Variants in IL1RAPL1 observed in about 807,000 individuals in gnomAD.
IL1RAPL1 encodes interleukin-1 receptor accessory protein-like 1.
A neutral mutation model predicts 48.4 loss-of-function variants in IL1RAPL1; 3 were observed. The ratio of observed to expected loss-of-function variants is 0.06; its 90% CI spans 0.03 to 0.16. IL1RAPL1 has a LOEUF of 0.16. IL1RAPL1 is among the 10% of genes least tolerant of loss of function. The probability of loss-of-function intolerance (pLI) is 1.00; values close to 1 mark genes in which losing one functional copy is unlikely to be tolerated. For missense variants in IL1RAPL1, 349 were observed against 530.6 expected (o/e 0.66, Z 3.36); for synonymous variants, 185 against 187.7 (o/e 0.99, Z 0.12).
intron 2 of IL1RAPL1, among the ~76,000 whole-genome samples, chrX:29,209,620 T>G (rs1341156669): frequency 2.7e-5 from 3 of 112,245 alleles, no homozygotes; most frequent in African/African-American, 9.7e-5. Context: ...TGGTTGTGTA[T>G]CCAGCAAATT....
intron 2 of IL1RAPL1, among the ~76,000 whole-genome samples, chrX:28,998,167 T>A (rs1281419166): frequency 1.8e-5 from 2 of 111,558 alleles, no homozygotes; most frequent in Admixed American, 9.6e-5. Context: ...TTATTTATTT[T>A]TTTTAGCTCA....
chrX:29,928,817 T>C (rs771398209), intron 8 of IL1RAPL1, among the ~76,000 whole-genome samples: 9 of 111,956 alleles, frequency 8.0e-5, no homozygotes, highest in Non-Finnish European at 1.7e-4. Flanking sequence ...CGTTGAACTT[T>C]TGACAACCAG....
At chrX:29,930,467 C>T (rs1349345258) in intron 8 of IL1RAPL1, among the ~76,000 whole-genome samples, 3 of 111,643 alleles carry the variant, frequency 2.7e-5, no homozygotes, top group Admixed American at 9.5e-5. Flanking sequence ...GATCAATTAC[C>T]TATGTTAAGG....
intron 3 of IL1RAPL1, among the ~76,000 whole-genome samples, chrX:29,309,312 C>G (rs888334295): frequency 2.7e-5 from 3 of 110,736 alleles, no homozygotes; most frequent in African/African-American, 9.9e-5. Flanking sequence ...GGGGGAAGGT[C>G]GGTCAGGGTG....
chrX:29,045,157 G>A (rs1926927482), intron 2 of IL1RAPL1, among the ~76,000 whole-genome samples: 1 of 111,509 alleles, frequency 9.0e-6, no homozygotes, highest in South Asian at 3.8e-4. Flanking sequence ...TCATAATGCA[G>A]TGGGACAGTC....
intron 2 of IL1RAPL1, among the ~76,000 whole-genome samples, chrX:29,252,249 AAAACTT>A (rs1261271778): frequency 9.0e-6 from 1 of 111,092 alleles, no homozygotes; most frequent in African/African-American, 3.4e-5. Context: ...CATGTACCCT[AAAACTT>A]AAAGTACAAT....
chrX:29,680,618 T>G (rs1159882863), intron 6 of IL1RAPL1, among the ~76,000 whole-genome samples: 1 of 111,798 alleles, frequency 8.9e-6, no homozygotes, highest in Non-Finnish European at 1.9e-5. Flanking sequence ...GCAATGGTTA[T>G]TATGGAGTCC....
chrX:28,870,126 C>T (rs1397131656), intron 2 of IL1RAPL1, among the ~76,000 whole-genome samples: 1 of 111,403 alleles, frequency 9.0e-6, no homozygotes, highest in Non-Finnish European at 1.9e-5. Flanking sequence ...GATATACATT[C>T]ATCAGTTGAT....
intron 2 of IL1RAPL1, among the ~76,000 whole-genome samples, chrX:29,107,020 T>G (rs746492047): frequency 8.9e-6 from 1 of 112,042 alleles, no homozygotes; most frequent in Non-Finnish European, 1.9e-5. Flanking sequence ...CTTTTTCTAT[T>G]CTTGAGCAAA....
intron 3 of IL1RAPL1, among the ~76,000 whole-genome samples, chrX:29,371,493 A>G (rs1348286353): frequency 9.0e-6 from 1 of 111,426 alleles, no homozygotes; most frequent in Non-Finnish European, 1.9e-5. Context: ...TATTTATTAC[A>G]TGGGTATATT....
At chrX:28,622,347 T>C (rs1423304173) in intron 1 of IL1RAPL1, among the ~76,000 whole-genome samples, 1 of 111,540 alleles carries the variant, frequency 9.0e-6, no homozygotes, top group Non-Finnish European at 1.9e-5. Flanking sequence ...ATTACCAAAT[T>C]GCACCAAATA....
At chrX:29,616,280 G>C (rs953534996) in intron 5 of IL1RAPL1, among the ~76,000 whole-genome samples, 4 of 109,794 alleles carry the variant, frequency 3.6e-5, no homozygotes, top group Non-Finnish European at 7.6e-5. Context: ...TGATTTGGAG[G>C]AAAACAGTAT....
intron 2 of IL1RAPL1, among the ~76,000 whole-genome samples, chrX:29,192,712 C>T (rs1187717202): frequency 9.0e-6 from 1 of 111,695 alleles, no homozygotes; most frequent in Non-Finnish European, 1.9e-5. Flanking sequence ...GATGATATTA[C>T]CATAAATTCC....
At chrX:29,909,517 A>C (rs1018118991) in intron 6 of IL1RAPL1, among the ~76,000 whole-genome samples, 52 of 111,690 alleles carry the variant, frequency 4.7e-4, no homozygotes, top group Non-Finnish European at 9.2e-4. Flanking sequence ...GTGCCAAATC[A>C]AGAATGCAAT....
At chrX:29,645,918 C>T (rs1432777490) in intron 5 of IL1RAPL1, among the ~76,000 whole-genome samples, 3 of 112,139 alleles carry the variant, frequency 2.7e-5, no homozygotes, top group South Asian at 3.7e-4. Flanking sequence ...GGAACCATAC[C>T]GGACAACCTT....
intron 1 of IL1RAPL1, among the ~76,000 whole-genome samples, chrX:28,617,835 T>C (rs4893577): frequency 0.45 from 50,347 of 110,867 alleles, 8,277 homozygotes; most frequent in East Asian, 0.62. Context: ...TTTTCCAGTC[T>C]TGAAATTTTT....
At chrX:28,985,574 G>T (rs2147377542) in intron 2 of IL1RAPL1, among the ~76,000 whole-genome samples, 1 of 111,725 alleles carries the variant, frequency 9.0e-6, no homozygotes, top group South Asian at 3.7e-4. Flanking sequence ...GTGAAATAAA[G>T]ACTTCAGCTT....
intron 6 of IL1RAPL1, 131 bp from the exon 7 acceptor site, chrX:29,917,333 T>C: frequency 3.3e-6 from 2 of 612,063 alleles, no homozygotes; most frequent in Non-Finnish European, 2.5e-6. Flanking sequence ...TGAAAATCCC[T>C]GAAAAATTAT....
rs748861593 is a variant in IL1RAPL1 at position 29,012,745 on chromosome X, T to G, written c.82+223320T>G. ...CACACAGAGCAGAAAATTAATCTTT[T>G]TTATGCCCTGATTCAAGAGGACTGA... On this transcript the variant is annotated intron_variant, in intron 2 of 10. Coordinates refer to ENST00000378993, the MANE Select transcript of IL1RAPL1 (RefSeq NM_014271.4). Among the ~76,000 whole-genome samples the G allele has an allele frequency of 1.8e-4, 20 of 111,650 alleles. No individual in the cohort carries two copies. In the South Asian group the frequency reaches 7.1e-3, roughly 40 times the overall value.
Sources: gnomAD v4.1 joint callset for allele counts (sites outside exome capture counted in the v4.1 genomes callset) on GRCh38, gnomAD v4.1.1 for gene constraint, MANE v1.5 for transcripts, NCBI Gene and HGNC (gene_info 2026-07-23, HGNC 2026-07-21) for gene names.